Variants in ATP2B2 observed in about 807,000 individuals in gnomAD.
ATP2B2 encodes the protein plasma membrane calcium-transporting ATPase 2.
Under a neutral mutation model 120.0 loss-of-function variants are expected in ATP2B2, and 15 were observed. The observed-to-expected ratio is 0.12, with a 90% CI of 0.08 to 0.19. ATP2B2 has a LOEUF of 0.19. Ranked by LOEUF, ATP2B2 falls within the 10% of genes least tolerant of loss-of-function variation. The pLI is 1.00. For synonymous variants in ATP2B2, 694 were observed against 700.3 expected, an observed-to-expected ratio of 0.99 and a Z score of 0.14; for missense variants, 1,045 against 1,719.8, an observed-to-expected ratio of 0.61 and a Z score of 6.94.
At chr3:10,350,299 C>G in intron 15 of ATP2B2, 99 bp downstream of exon 15, 2 of 1,589,822 alleles carry the variant, frequency 1.3e-6, no homozygotes, top group Non-Finnish European at 1.7e-6. Context: ...GGGCTCTTAG[C>G]AGCACACTGG....
Position 10,337,886 on chromosome 3 carries a change from C to T in ATP2B2, c.3420+290G>A, listed in dbSNP as rs117384017. Among the ~76,000 whole-genome samples the T allele has an allele frequency of 4.8e-4, 73 of 152,294 alleles. 1 individual carries two copies. The East Asian group carries it at 0.013, about 27-fold the overall frequency. On this transcript the variant is annotated intron_variant, in intron 22 of 22. Transcript: ENST00000360273. The stretch of plus-strand genomic sequence containing the variant: ...ACCTCTGCCCTCAGAGCCACCCTTC[C>T]CCACCCTCTCAGGGAAATCCCCCTG...
chr3:10,657,975 C>T (rs985590616), intron 1 of ATP2B2, among the ~76,000 whole-genome samples: 2 of 152,178 alleles, frequency 1.3e-5, no homozygotes, highest in African/African-American at 4.8e-5. Flanking sequence ...CTGGTGATAC[C>T]CAGGCAAACA....
At chr3:10,450,448 C>T (rs1377682840) in intron 1 of ATP2B2, among the ~76,000 whole-genome samples, 1 of 152,154 alleles carries the variant, frequency 6.6e-6, no homozygotes. Context: ...TCCACCCATG[C>T]CACCTGTGTC....
intron 5 of ATP2B2, among the ~76,000 whole-genome samples, chr3:10,395,185 C>T (rs9860273): frequency 0.11 from 16,587 of 152,170 alleles, 1,101 homozygotes; most frequent in East Asian, 0.27. Context: ...GGAACTCTCA[C>T]GGAAGTTCAT....
intron 3 of ATP2B2, among the ~76,000 whole-genome samples, chr3:10,514,909 G>T (rs906469425): frequency 6.6e-6 from 1 of 152,218 alleles, no homozygotes. Context: ...CTAGATCAGG[G>T]GTTATTGGGC....
intron 1 of ATP2B2, among the ~76,000 whole-genome samples, chr3:10,659,322 C>T (rs984867199): frequency 8.5e-5 from 13 of 152,090 alleles, no homozygotes; most frequent in African/African-American, 2.9e-4. Flanking sequence ...GAGTCAAGAC[C>T]CATCAGTGTG....
intron 12 of ATP2B2, among the ~76,000 whole-genome samples, chr3:10,367,013 C>G (rs188332768): frequency 6.6e-6 from 1 of 152,238 alleles, no homozygotes; most frequent in Non-Finnish European, 1.5e-5. Flanking sequence ...CCCTGAGAGG[C>G]CTCCCAGCCT....
Position 10,549,425 on chromosome 3 carries a change from G to A in ATP2B2, c.-414-15292C>T, listed in dbSNP as rs147834632. Among the ~76,000 whole-genome samples the A allele has an allele frequency of 1.6e-3, 243 of 151,812 alleles. 1 individual carries two copies. Among genetic ancestry groups the A allele is most frequent in the African/African-American group, 5.7e-3 (236 of 41,388 alleles). Reference sequence around the variant, plus strand: ...TGGTTGAGAAAAAGAAAGAAAATGTGCCTACCACACAGGTTCCTGGGAGAG... The same window carrying A: ...TGGTTGAGAAAAAGAAAGAAAATGTACCTACCACACAGGTTCCTGGGAGAG... On this transcript the variant is annotated intron_variant, in intron 2 of 21. Transcript: ENST00000646379.
At chr3:10,522,510 C>T (rs1364522615) in intron 3 of ATP2B2, among the ~76,000 whole-genome samples, 1 of 152,234 alleles carries the variant, frequency 6.6e-6, no homozygotes, top group Non-Finnish European at 1.5e-5. Context: ...TGCATAGCTT[C>T]TGCTGAAGCC....
intron 1 of ATP2B2, among the ~76,000 whole-genome samples, chr3:10,673,568 G>C (rs1385436666): frequency 2.6e-5 from 4 of 152,016 alleles, no homozygotes; most frequent in Non-Finnish European, 5.9e-5. Flanking sequence ...GGGAGGCTGA[G>C]GCAAGAGGAT....
intron 1 of ATP2B2, among the ~76,000 whole-genome samples, chr3:10,479,471 T>C (rs1052906738): frequency 1.3e-5 from 2 of 152,044 alleles, no homozygotes; most frequent in African/African-American, 4.8e-5. Context: ...TCTGATTTAC[T>C]TACGAAATCA....
intron 1 of ATP2B2, among the ~76,000 whole-genome samples, chr3:10,673,607 C>T (rs892529000): frequency 5.3e-5 from 8 of 151,518 alleles, no homozygotes; most frequent in Non-Finnish European, 8.8e-5. Flanking sequence ...TGAGACAAGC[C>T]TGGGCAACAT....
At chr3:10,475,609 G>A (rs1457687380) in intron 1 of ATP2B2, among the ~76,000 whole-genome samples, 1 of 152,166 alleles carries the variant, frequency 6.6e-6, no homozygotes, top group African/African-American at 2.4e-5. Flanking sequence ...TTTGTGATGA[G>A]GGATCACTAC....
intron 1 of ATP2B2, among the ~76,000 whole-genome samples, chr3:10,695,380 T>G (rs2071728200): frequency 6.6e-6 from 1 of 152,032 alleles, no homozygotes; most frequent in Non-Finnish European, 1.5e-5. Flanking sequence ...CCTGCTCCCA[T>G]GATTCAATTA....
intron 1 of ATP2B2, among the ~76,000 whole-genome samples, chr3:10,498,466 C>CA (rs2066245919): frequency 1.3e-5 from 2 of 152,250 alleles, no homozygotes; most frequent in Non-Finnish European, 2.9e-5. Flanking sequence ...CTCAGGCATG[C>CA]AGGAGGCACC....
rs191235146 is a variant in ATP2B2, at chr3:10,457,462, T to C, written c.-319-7600A>G. ...TGCTTTGTGTGTGGGAAAGAGGGTC[T>C]CTATGATGTATCAGTGGACATGTGG... On this transcript the variant is annotated intron_variant, in intron 1 of 22. Transcript: ENST00000360273. Among the ~76,000 whole-genome samples the C allele has an allele frequency of 2.5e-3, 373 of 151,956 alleles. 3 individuals carry two copies. The highest frequency in any genetic ancestry group is 8.6e-3 in the African/African-American group (358 of 41,434).
At position 10,326,306 on chromosome 3, in the gene ATP2B2, T is replaced by C. The variant is rs188313558; in HGVS notation, c.*2508A>G. ...GCAAGTGTGAGAGTGAGGGGGTGCA[T>C]GTGTGCAAGCATCCTTCATTCCTGA... On this transcript the variant is annotated 3_prime_UTR_variant, in exon 23 of 23. Coordinates refer to ENST00000360273, the MANE Select transcript of ATP2B2 (RefSeq NM_001001331.4). 2.5e-5 allele frequency: 4 copies of C among 160,358 alleles called. No individual in the cohort carries two copies. The highest frequency in any genetic ancestry group is 5.4e-5 in the Non-Finnish European group (4 of 73,418). 9.9% of individuals were successfully genotyped at this position (160,358 alleles called of 1,614,324 possible). A position where few individuals can be genotyped will look rare whatever the true frequency, so the allele number is the denominator to read the frequency against.
chr3:10,494,148 C>G (rs2066043421), intron 1 of ATP2B2, among the ~76,000 whole-genome samples: 1 of 150,968 alleles, frequency 6.6e-6, no homozygotes, highest in African/African-American at 2.5e-5. Context: ...AGAAGTTTCT[C>G]CTGGTGGCCA....
In ATP2B2 at chr3:10,383,918, G is replaced by A. The variant is rs543312796; in HGVS notation, c.1000+1350C>T. Among the ~76,000 whole-genome samples the A allele has an allele frequency of 5.3e-5, 8 of 152,240 alleles. No homozygotes were observed. The East Asian group carries it at 1.4e-3, about 26-fold the overall frequency. The stretch of plus-strand genomic sequence containing the variant: ...CACAAAGCTCAGCAGGCTCACTGCC[G>A]GGGTGAAGTGGGTGCCCCCTCTAGG... On this transcript the variant is annotated intron_variant, in intron 8 of 22. Transcript: ENST00000360273.
Sources: allele counts gnomAD v4.1 joint callset (sites outside exome capture counted in the v4.1 genomes callset), GRCh38; gene constraint gnomAD v4.1.1; transcripts MANE v1.5; gene names NCBI Gene and HGNC (gene_info 2026-07-23, HGNC 2026-07-21).